Variants in IL18R1 observed in about 807,000 individuals in gnomAD.
IL18R1 encodes interleukin 18 receptor 1.
In IL18R1, 40 loss-of-function variants were observed where a neutral mutation model predicts 48.5. The ratio of observed to expected loss-of-function variants is 0.82; its 90% CI spans 0.64 to 1.07. IL18R1 has a LOEUF of 1.07. Ranked by LOEUF, IL18R1 falls within the 50% of genes least tolerant of loss-of-function variation. The pLI, the probability that IL18R1 is intolerant of heterozygous loss-of-function variation, is 0.00. For missense variants in IL18R1, 596 were observed against 633.7 expected (o/e 0.94, Z 0.64); for synonymous variants, 232 against 225.9 (o/e 1.03, Z -0.24).
At chr2:102,390,760 T>C (rs2001461) in intron 9 of IL18R1, among the ~76,000 whole-genome samples, 117,755 of 151,470 alleles carry the variant, frequency 0.78, 46,826 homozygotes, top group African/African-American at 0.91. Context: ...AGTGAAACCC[T>C]GTCTCTACTA....
At chr2:102,381,056 G>A (rs11465632) in intron 5 of IL18R1, among the ~76,000 whole-genome samples, 189 of 152,310 alleles carry the variant, frequency 1.2e-3, no homozygotes, top group African/African-American at 4.4e-3. Flanking sequence ...TCCAGTCGGG[G>A]TCAGAAGCCA....
At chr2:102,373,229 T>C (rs1679372266) in intron 4 of IL18R1, among the ~76,000 whole-genome samples, 1 of 152,192 alleles carries the variant, frequency 6.6e-6, no homozygotes, top group South Asian at 2.1e-4. Flanking sequence ...GGTATACCTT[T>C]TACCTGTTGA....
chr2:102,373,434 G>A (rs1679384130), intron 4 of IL18R1, among the ~76,000 whole-genome samples: 1 of 152,010 alleles, frequency 6.6e-6, no homozygotes, highest in Admixed American at 6.6e-5. Context: ...CACAGGGAGG[G>A]GAACATCACA....
intron 8 of IL18R1, 129 bp from the exon 9 acceptor site, chr2:102,389,927 A>G (rs4851570): frequency 0.27 from 185,553 of 699,800 alleles, 25,975 homozygotes; most frequent in East Asian, 0.39. Context: ...ACTCAGTGGA[A>G]TGTGTCAGCA....
Position 102,386,855 on chromosome 2 carries a change from T to G in IL18R1, c.810-6T>G, listed in dbSNP as rs781276579. ...CCTACTGCTAAATTATTTTGCCCTC[T>G]TACAGGACTCCAGAAGGCAAATGGC... On this transcript the variant is annotated splice_polypyrimidine_tract_variant and splice_region_variant and intron_variant, in intron 7 of 10. Transcript: ENST00000233957. 26 of 1,614,022 alleles carry G rather than the reference T, an allele frequency of 1.6e-5. No individual in the cohort carries two copies. The highest frequency in any genetic ancestry group is 2.2e-5 in the Non-Finnish European group (26 of 1,179,908).
At chr2:102,382,248 G>C (rs1027506840) in intron 6 of IL18R1, among the ~76,000 whole-genome samples, 4 of 151,858 alleles carry the variant, frequency 2.6e-5, no homozygotes, top group Non-Finnish European at 2.9e-5. Flanking sequence ...CTCCAGCCTG[G>C]GCAACGGAGC....
In IL18R1 at chr2:102,386,948, T is replaced by C; in HGVS notation, c.897T>C (p.Thr299=). Residue 299 remains threonine, a synonymous_variant, in exon 8 of 11, where the codon ACT becomes ACC. Transcript: ENST00000233957. Reference sequence around the variant, plus strand: ...ATCTAAATGTTTTATATAATTGCACTGTGGCCAGCACGGGAGGCACAGACA... The same window carrying C: ...ATCTAAATGTTTTATATAATTGCACCGTGGCCAGCACGGGAGGCACAGACA... ...ESNLNVLYNC[T]VASTGGTDTK... The C allele has an allele frequency of 6.2e-7, 1 of 1,614,038 alleles. No homozygotes were observed.
At chr2:102,384,032 A>G (rs1181754483) in intron 6 of IL18R1, among the ~76,000 whole-genome samples, 3 of 152,184 alleles carry the variant, frequency 2.0e-5, no homozygotes, top group East Asian at 1.9e-4. Context: ...TTATGTATCA[A>G]ACAATTAAAG....
intron 1 of IL18R1, 40 bp downstream of exon 1, chr2:102,356,440 C>T: frequency 2.0e-6 from 1 of 488,068 alleles, no homozygotes; most frequent in Non-Finnish European, 2.7e-6. Context: ...CCCCTCCCCA[C>T]CCCCCAGAGG....
chr2:102,362,780 T>G (rs886745812), intron 2 of IL18R1, 62 bp downstream of exon 2: 5 of 1,077,450 alleles, frequency 4.6e-6, no homozygotes, highest in Non-Finnish European at 1.4e-6. Flanking sequence ...ATGTCAAAGT[T>G]TTTTTTTTTA....
At chr2:102,383,015 C>G (rs1328608861) in intron 6 of IL18R1, among the ~76,000 whole-genome samples, 1 of 152,024 alleles carries the variant, frequency 6.6e-6, no homozygotes, top group African/African-American at 2.4e-5. Context: ...CAGTTTAAAC[C>G]ATTACTTAAA....
At chr2:102,389,799 T>C (rs1248636998) in intron 8 of IL18R1, among the ~76,000 whole-genome samples, 2 of 152,242 alleles carry the variant, frequency 1.3e-5, no homozygotes, top group East Asian at 3.8e-4. Context: ...ACGGATAGAA[T>C]ACATTACTGT....
rs1678214231 is a variant in IL18R1 at position 102,355,837 on chromosome 2, T to C, written c.-592T>C. ...GGCTGGGCAGGAAGCGCCAGACGCC[T>C]GGGGCCCACGCCGTCCGCGGGAAAA... On this transcript the variant is annotated 5_prime_UTR_variant, in exon 1 of 11. Coordinates refer to ENST00000233957, the MANE Select transcript of IL18R1 (RefSeq NM_003855.5). The C allele has an allele frequency of 6.6e-6, 1 of 152,336 alleles. No individual in the cohort carries two copies. Among genetic ancestry groups the C allele is most frequent in the Admixed American group, 6.5e-5 (1 of 15,308 alleles). 9.4% of individuals were successfully genotyped at this position (152,336 alleles called of 1,614,324 possible).
At chr2:102,381,900 C>T (rs1040084787) in intron 6 of IL18R1, among the ~76,000 whole-genome samples, 8 of 152,108 alleles carry the variant, frequency 5.3e-5, no homozygotes, top group South Asian at 2.1e-4. Context: ...GACAGTGGAA[C>T]TGCCTGTGGT....
intron 5 of IL18R1, among the ~76,000 whole-genome samples, chr2:102,377,542 T>C (rs905314298): frequency 1.1e-4 from 16 of 152,372 alleles, no homozygotes; most frequent in Admixed American, 1.0e-3. Flanking sequence ...GGTCTCGATC[T>C]CCTGACCTCG....
chr2:102,384,779 C>G (rs1182833874), intron 6 of IL18R1, 99 bp from the exon 7 acceptor site: 8 of 1,320,572 alleles, frequency 6.1e-6, no homozygotes, highest in Admixed American at 2.3e-5. Flanking sequence ...TGGAGCACCA[C>G]GTTTTGCTTT....
chr2:102,371,138 C>A (rs1301639193), intron 3 of IL18R1, among the ~76,000 whole-genome samples: 1 of 151,888 alleles, frequency 6.6e-6, no homozygotes, highest in Non-Finnish European at 1.5e-5. Flanking sequence ...CTCACTGCAA[C>A]CTCCGCCTCC....
intron 6 of IL18R1, among the ~76,000 whole-genome samples, chr2:102,383,614 G>T (rs984426069): frequency 1.3e-5 from 2 of 151,858 alleles, no homozygotes; most frequent in Non-Finnish European, 2.9e-5. Flanking sequence ...CTTGGAATTG[G>T]CATATTTGTC....
rs1279651080 is a variant in IL18R1, at chr2:102,387,003, G to A, written c.949+3G>A. 6.2e-7 allele frequency: 1 copy of A among 1,609,416 alleles called. No homozygotes were observed. The highest frequency in any genetic ancestry group is 1.1e-5 in the South Asian group (1 of 89,836). On this transcript the variant is annotated splice_donor_region_variant and intron_variant, in intron 8 of 10. Transcript: ENST00000233957. ...AAGCTTCATCTTGGTGAGAAAAGGT[G>A]AGAAAGATTTATTTTTGGAAGTTTT...
Sources: gnomAD v4.1 joint callset for allele counts (sites outside exome capture counted in the v4.1 genomes callset) on GRCh38, gnomAD v4.1.1 for gene constraint, MANE v1.5 for transcripts, NCBI Gene and HGNC (gene_info 2026-07-23, HGNC 2026-07-21) for gene names.